Variants in RBFOX1 observed in about 807,000 individuals in gnomAD.
RBFOX1 encodes RNA binding fox-1 homolog 1.
Under a neutral mutation model 57.7 loss-of-function variants are expected in RBFOX1, and 8 were observed. The observed-to-expected ratio is 0.14, with a 90% confidence interval of 0.08 to 0.25. RBFOX1 has a LOEUF of 0.25. Among genes scored for constraint, RBFOX1 ranks in the 10% least tolerant of loss-of-function variants. RBFOX1 has a pLI of 1.00. For synonymous variants in RBFOX1, 326 were observed against 222.4 expected, an observed-to-expected ratio of 1.47 and a Z score of -4.15; for missense variants, 611 against 548.5, an observed-to-expected ratio of 1.11 and a Z score of -1.14.
At chr16:7,018,712 C>T (rs1487443146) in intron 3 of RBFOX1, among the ~76,000 whole-genome samples, 2 of 151,828 alleles carry the variant, frequency 1.3e-5, no homozygotes, top group Non-Finnish European at 2.9e-5. Flanking sequence ...ATGGGTGCAG[C>T]ACACCAACAT....
At chr16:7,532,625 C>T (rs1315327198) in intron 5 of RBFOX1, among the ~76,000 whole-genome samples, 2 of 152,172 alleles carry the variant, frequency 1.3e-5, no homozygotes, top group Admixed American at 6.5e-5. Flanking sequence ...CTCCAGCCTT[C>T]TCCAGGCTTT....
intron 4 of RBFOX1, among the ~76,000 whole-genome samples, chr16:5,969,588 C>A (rs548007382): frequency 7.9e-5 from 12 of 151,224 alleles, no homozygotes; most frequent in African/African-American, 2.4e-4. Flanking sequence ...TCCCACAGTG[C>A]TGGGATTACA....
intron 4 of RBFOX1, among the ~76,000 whole-genome samples, chr16:5,982,129 T>G (rs1289394292): frequency 6.6e-6 from 1 of 152,192 alleles, no homozygotes. Context: ...TGTCAGCTTC[T>G]GTGGCATGTG....
intron 2 of RBFOX1, among the ~76,000 whole-genome samples, chr16:5,553,845 A>G (rs1487118575): frequency 6.6e-6 from 1 of 152,098 alleles, no homozygotes; most frequent in African/African-American, 2.4e-5. Context: ...AAAATATCCT[A>G]CATGATTGAA....
At chr16:6,497,149 A>T (rs143225742) in intron 2 of RBFOX1, among the ~76,000 whole-genome samples, 116 of 152,304 alleles carry the variant, frequency 7.6e-4, no homozygotes, top group African/African-American at 2.6e-3. Context: ...CATTGCTAAC[A>T]TGGAGTGGAC....
chr16:6,904,957 G>C (rs1237644710), intron 3 of RBFOX1, among the ~76,000 whole-genome samples: 1 of 152,162 alleles, frequency 6.6e-6, no homozygotes, highest in Admixed American at 6.5e-5. Flanking sequence ...AAAAGCAGTG[G>C]GGATGAAGCC....
chr16:7,405,744 C>A (rs758692296), intron 4 of RBFOX1, among the ~76,000 whole-genome samples: 1 of 152,130 alleles, frequency 6.6e-6, no homozygotes, highest in Non-Finnish European at 1.5e-5. Context: ...GCTTGGATGA[C>A]ACAGAGGGGG....
At chr16:5,710,822 G>A (rs1324353842) in intron 3 of RBFOX1, among the ~76,000 whole-genome samples, 2 of 152,202 alleles carry the variant, frequency 1.3e-5, no homozygotes, top group Non-Finnish European at 2.9e-5. Context: ...TGTGTGCCAG[G>A]CAGGGCAAGA....
At chr16:6,582,980 C>G (rs1279431356) in intron 2 of RBFOX1, among the ~76,000 whole-genome samples, 1 of 151,566 alleles carries the variant, frequency 6.6e-6, no homozygotes, top group Non-Finnish European at 1.5e-5. Context: ...AATTCTGGAC[C>G]TCCCTCTTCC....
intron 4 of RBFOX1, among the ~76,000 whole-genome samples, chr16:6,011,303 T>G (rs1190896514): frequency 1.3e-5 from 2 of 152,226 alleles, no homozygotes; most frequent in East Asian, 3.9e-4. Flanking sequence ...TGACTTTAGA[T>G]GGAGCTATTT....
At chr16:5,756,958 A>G (rs778211339) in intron 3 of RBFOX1, among the ~76,000 whole-genome samples, 1 of 152,366 alleles carries the variant, frequency 6.6e-6, no homozygotes, top group South Asian at 2.1e-4. Context: ...ATCTTAACAC[A>G]ATAGAAATTT....
intron 1 of RBFOX1, among the ~76,000 whole-genome samples, chr16:6,202,759 T>C (rs1424487495): frequency 6.6e-6 from 1 of 152,112 alleles, no homozygotes; most frequent in Non-Finnish European, 1.5e-5. Flanking sequence ...CCACGTTCTT[T>C]ATGTAATTTA....
intron 2 of RBFOX1, among the ~76,000 whole-genome samples, chr16:5,539,269 C>T (rs2044832944): frequency 6.6e-6 from 1 of 152,002 alleles, no homozygotes; most frequent in African/African-American, 2.4e-5. Flanking sequence ...ACCTTGTGTC[C>T]CTACTCATTT....
chr16:5,515,324 A>G (rs1158975739), intron 2 of RBFOX1, among the ~76,000 whole-genome samples: 1 of 152,216 alleles, frequency 6.6e-6, no homozygotes, highest in Non-Finnish European at 1.5e-5. Flanking sequence ...AGGCCCCAGC[A>G]CCTGCTGCAA....
At chr16:6,907,781 C>T (rs1292916548) in intron 3 of RBFOX1, among the ~76,000 whole-genome samples, 4 of 151,762 alleles carry the variant, frequency 2.6e-5, no homozygotes, top group African/African-American at 9.7e-5. Context: ...ACCATTTTGG[C>T]CAGGCTGGTC....
chr16:7,707,549 T>A (rs1026884452), intron 14 of RBFOX1, among the ~76,000 whole-genome samples: 1 of 152,124 alleles, frequency 6.6e-6, no homozygotes, highest in Non-Finnish European at 1.5e-5. Context: ...ACGATGTCGA[T>A]CCCAGTGAGT....
At chr16:5,967,154 C>G (rs1049285977) in intron 4 of RBFOX1, among the ~76,000 whole-genome samples, 1 of 152,020 alleles carries the variant, frequency 6.6e-6, no homozygotes, top group African/African-American at 2.4e-5. Context: ...CCATCTGGCC[C>G]GCAAAGCCAC....
chr16:6,192,489 A>G (rs2097148258), intron 1 of RBFOX1, among the ~76,000 whole-genome samples: 1 of 151,698 alleles, frequency 6.6e-6, no homozygotes, highest in Non-Finnish European at 1.5e-5. Context: ...CCTTCCTCCC[A>G]ACACCCCCAT....
At chr16:6,946,113 A>G (rs1036277332) in intron 3 of RBFOX1, among the ~76,000 whole-genome samples, 2 of 152,224 alleles carry the variant, frequency 1.3e-5, no homozygotes, top group Admixed American at 6.5e-5. Flanking sequence ...TGCTTTATAA[A>G]TAACCCAGTT....
Sources: gnomAD v4.1 joint callset for allele counts (sites outside exome capture counted in the v4.1 genomes callset) on GRCh38, gnomAD v4.1.1 for gene constraint, MANE v1.5 for transcripts, NCBI Gene and HGNC (gene_info 2026-07-23, HGNC 2026-07-21) for gene names.